The following JAKMIP3 variants were observed in gnomAD, a reference collection of about 807,000 sequenced individuals.
JAKMIP3 encodes the protein janus kinase and microtubule-interacting protein 3.
JAKMIP3 carries 58 observed loss-of-function variants against 118.5 expected under a neutral mutation model. That is an observed-to-expected ratio of 0.49 (90% CI 0.40 to 0.61). The LOEUF is 0.61. Ranked by LOEUF, JAKMIP3 falls within the 20% of genes least tolerant of loss-of-function variation. The pLI is 0.00. For synonymous variants in JAKMIP3, 486 were observed against 451.2 expected (o/e 1.08, Z -0.98); for missense variants, 950 against 1,109.0 (o/e 0.86, Z 2.04).
chr10:132,039,534 A>G (rs1177421104), intron 1 of JAKMIP3, among the ~76,000 whole-genome samples: 1 of 152,138 alleles, frequency 6.6e-6, no homozygotes, highest in African/African-American at 2.4e-5. Flanking sequence ...CTGGCCCTCT[A>G]CACGTGCCAG....
rs2048118670 is a variant in JAKMIP3 at position 132,118,802 on chromosome 10, C to G, written c.633+1228C>G. ...TCACCTTAGCAACCCAAGGACCCGG[C>G]CCAAACCAGCACTCATAAGAACCGG... On this transcript the variant is annotated intron_variant, in intron 3 of 23. Coordinates refer to ENST00000684848, the MANE Select transcript of JAKMIP3 (RefSeq NM_001323087.2). This position sits in a 1 kb window ranked among gnomAD's most constrained non-coding sequence, Gnocchi z 4.8. Among the ~76,000 whole-genome samples the G allele has an allele frequency of 6.6e-6, 1 of 152,220 alleles. No homozygotes were observed. Among genetic ancestry groups the G allele is most frequent in the Admixed American group, 6.5e-5 (1 of 15,282 alleles).
At chr10:132,057,843 G>A (rs1237212006) in intron 1 of JAKMIP3, among the ~76,000 whole-genome samples, 1 of 152,206 alleles carries the variant, frequency 6.6e-6, no homozygotes, top group Non-Finnish European at 1.5e-5. Context: ...AATGCAGTGT[G>A]TTCTCTGCAG....
At chr10:132,164,526 G>C in intron 20 of JAKMIP3, 144 bp from the exon 21 acceptor site, 2 of 634,864 alleles carry the variant, frequency 3.2e-6, no homozygotes, top group Non-Finnish European at 5.7e-6. Flanking sequence ...GCAAAGGCTT[G>C]TGTCCTCGTC....
chr10:132,127,409 T>TGG (rs1018701661), intron 3 of JAKMIP3, among the ~76,000 whole-genome samples: 14 of 150,976 alleles, frequency 9.3e-5, no homozygotes, highest in Non-Finnish European at 1.3e-4. Flanking sequence ...TGTGTGTGTG[T>TGG]GTGTGTGTGC....
chr10:132,157,887 T>G (rs2057285206), intron 19 of JAKMIP3, among the ~76,000 whole-genome samples: 2 of 152,160 alleles, frequency 1.3e-5, no homozygotes, highest in Non-Finnish European at 2.9e-5. Flanking sequence ...CCTGGCAGAA[T>G]TTGGGTAATT....
Position 132,182,874 on chromosome 10 carries a change from T to G in JAKMIP3, c.*1621T>G, listed in dbSNP as rs144230968. The G allele has an allele frequency of 6.6e-6, 1 of 152,202 alleles. No individual in the cohort carries two copies. Among genetic ancestry groups the G allele is most frequent in the Non-Finnish European group, 1.5e-5 (1 of 68,034 alleles). The allele number at this position is 152,202 out of a possible 1,614,324, so 9.4% of individuals were successfully genotyped here. ...AAAAGCTAATAGTATCAGACAGATA[T>G]GCTTTTTCTTTGGTGGCTGCAGGAT... On this transcript the variant is annotated 3_prime_UTR_variant, in exon 24 of 24. Transcript: ENST00000684848.
At position 132,183,596 on chromosome 10, in the gene JAKMIP3, T is replaced by C. The variant is rs1328036136; in HGVS notation, c.*2343T>C. ...TGTAATTGTTTATATGTAAAAAGTA[T>C]GTATATAGGAACGGGAGAAGGTGCA... On this transcript the variant is annotated 3_prime_UTR_variant, in exon 24 of 24. Coordinates refer to ENST00000684848, the MANE Select transcript of JAKMIP3 (RefSeq NM_001323087.2). 6.6e-6 allele frequency: 1 copy of C among 152,206 alleles called. No homozygotes were observed. Among genetic ancestry groups the C allele is most frequent in the Non-Finnish European group, 1.5e-5 (1 of 68,050 alleles). 9.4% of individuals were successfully genotyped at this position (152,206 alleles called of 1,614,324 possible).
In JAKMIP3 at chr10:132,153,883, A is replaced by C. The variant is rs2056659240; in HGVS notation, c.2143-30A>C. 3 of 1,612,798 alleles carry C rather than the reference A, an allele frequency of 1.9e-6. No individual in the cohort carries two copies. In the East Asian group the frequency reaches 6.7e-5, roughly 36 times the overall value. ...CTCGGTGCTGCAGGTGGGACATCCG[A>C]GACCGAGGCATGGCCCTCCTGTGTT... On this transcript the variant is annotated intron_variant, in intron 18 of 23. Transcript: ENST00000684848.
chr10:132,060,446 A>G (rs922592612), upstream of JAKMIP3, among the ~76,000 whole-genome samples: 1 of 152,156 alleles, frequency 6.6e-6, no homozygotes, highest in Non-Finnish European at 1.5e-5. Context: ...TTACAATTTT[A>G]AAAAAATGGA....
chr10:132,166,361 T>C (rs2058900636), intron 21 of JAKMIP3, among the ~76,000 whole-genome samples: 1 of 152,238 alleles, frequency 6.6e-6, no homozygotes, highest in Admixed American at 6.5e-5. Context: ...ATTTCTTAAA[T>C]CTAGCTAAAT....
intron 19 of JAKMIP3, among the ~76,000 whole-genome samples, chr10:132,154,296 C>A (rs1340428073): frequency 6.6e-6 from 1 of 152,220 alleles, no homozygotes; most frequent in African/African-American, 2.4e-5. Context: ...TTCCTGAAGG[C>A]CATCCAGGTG....
chr10:132,159,574 CTCCCTGTGTG>C (rs2057658874), intron 19 of JAKMIP3, among the ~76,000 whole-genome samples: 1 of 118,936 alleles, frequency 8.4e-6, no homozygotes, highest in Non-Finnish European at 1.7e-5. Context: ...GGGGGCGTGT[CTCCCTGTGTG>C]ATGCTGGGGG....
rs2038814731 is a variant in JAKMIP3, at chr10:132,066,545, T to G, written c.-138+484T>G. 2.0e-5 allele frequency among the ~76,000 whole-genome samples: 3 copies of G among 152,354 alleles called. No homozygotes were observed. In the South Asian group the frequency reaches 6.2e-4, roughly 32 times the overall value. On this transcript the variant is annotated intron_variant, in intron 1 of 23. Transcript: ENST00000684848. ...GGGGTAACCGGCTGGACTTTTTTGC[T>G]GCTTGTTTTCCTTTTGAAGAATAGG...
chr10:132,171,065 A>G (rs1010886660), intron 23 of JAKMIP3, among the ~76,000 whole-genome samples: 2 of 152,216 alleles, frequency 1.3e-5, no homozygotes, highest in African/African-American at 4.8e-5. Flanking sequence ...ACCAGAAGCA[A>G]TGCCTTCTTG....
chr10:132,117,002 CCA>C lies in JAKMIP3; in HGVS notation c.136-74_136-73del. 4 of 1,512,784 alleles carry C rather than the reference CCA, an allele frequency of 2.6e-6. No homozygotes were observed. In the South Asian group the frequency reaches 5.2e-5, roughly 20 times the overall value. The allele number at this position is 1,512,784 out of a possible 1,614,324, so 93.7% of individuals were successfully genotyped here. A position where few individuals can be genotyped will look rare whatever the true frequency, so the allele number is the denominator to read the frequency against. The stretch of plus-strand genomic sequence containing the variant: ...GAGTGTGTGCAACGTGGAAGCTCCC[CCA>C]AATGCACATTCAGGTGTGAGTGTGT... On this transcript the variant is annotated intron_variant, in intron 2 of 23. Transcript: ENST00000684848. The surrounding 1 kb of genome is among the most constrained non-coding windows in gnomAD (Gnocchi z 8.6).
At chr10:132,149,658 AC>A in intron 15 of JAKMIP3, 148 bp downstream of exon 15, 1 of 6,028 alleles carries the variant, frequency 1.7e-4, no homozygotes. Flanking sequence ...CACCCTCTCC[AC>A]CCCCGCCCCA....
chr10:132,047,808 T>C (rs2037966327), intron 1 of JAKMIP3, among the ~76,000 whole-genome samples: 1 of 140,002 alleles, frequency 7.1e-6, no homozygotes, highest in African/African-American at 2.6e-5. Flanking sequence ...TGTCCCCTCA[T>C]GGAGCTGTGT....
At chr10:132,141,885 GTC>G in intron 10 of JAKMIP3, 33 bp from the exon 11 acceptor site, 1 of 1,577,454 alleles carries the variant, frequency 6.3e-7, no homozygotes, top group Non-Finnish European at 8.6e-7. Flanking sequence ...CTGACACTGT[GTC>G]TCTGTGCGTG....
intron 1 of JAKMIP3, among the ~76,000 whole-genome samples, chr10:132,103,450 CAGCTGGGGGG>C (rs2045380317): frequency 4.3e-5 from 1 of 23,156 alleles, no homozygotes; most frequent in Non-Finnish European, 7.0e-5. Context: ...GGGAGAGGAG[CAGCTGGGGGG>C]GGGAGGAGCA....
Sources: allele counts gnomAD v4.1 joint callset (sites outside exome capture counted in the v4.1 genomes callset), GRCh38; gene constraint gnomAD v4.1.1; non-coding constraint Gnocchi (gnomAD v3.1); transcripts MANE v1.5; gene names NCBI Gene and HGNC (gene_info 2026-07-23, HGNC 2026-07-21).